The following DGKI variants were observed in gnomAD, a reference collection of about 807,000 sequenced individuals.
DGKI encodes diacylglycerol kinase iota.
In DGKI, 55 loss-of-function variants were observed where a neutral mutation model predicts 147.5. That is an observed-to-expected ratio of 0.37 (90% CI 0.30 to 0.47). The LOEUF is 0.47. DGKI is among the 20% of genes least tolerant of loss of function. The pLI, the probability that DGKI is intolerant of heterozygous loss-of-function variation, is 1.00. For missense variants in DGKI, 1,007 were observed against 1,323.8 expected, an observed-to-expected ratio of 0.76 and a Z score of 3.71; for synonymous variants, 469 against 477.1, an observed-to-expected ratio of 0.98 and a Z score of 0.22.
intron 1 of DGKI, among the ~76,000 whole-genome samples, chr7:137,752,791 G>A (rs761702266): frequency 1.3e-5 from 2 of 152,184 alleles, no homozygotes; most frequent in Non-Finnish European, 2.9e-5. Context: ...TTTTGGAGAT[G>A]TGAGTCTTGC....
At chr7:137,698,778 A>C (rs1823880566) in intron 1 of DGKI, among the ~76,000 whole-genome samples, 1 of 152,222 alleles carries the variant, frequency 6.6e-6, no homozygotes, top group African/African-American at 2.4e-5. Context: ...TAAGTAATTT[A>C]GGTAAGCCAT....
chr7:137,731,518 A>T (rs1302067736), intron 1 of DGKI, among the ~76,000 whole-genome samples: 1 of 152,028 alleles, frequency 6.6e-6, no homozygotes, highest in Admixed American at 6.6e-5. Flanking sequence ...CTTCATCATC[A>T]TTATGTGCCT....
intron 28 of DGKI, among the ~76,000 whole-genome samples, chr7:137,424,760 C>G (rs61452482): frequency 0.017 from 2,606 of 152,310 alleles, 74 homozygotes; most frequent in African/African-American, 0.059. Flanking sequence ...TTGGAGGGTC[C>G]TACGCCCACG....
chr7:137,397,439 C>T (rs372929053), intron 30 of DGKI, 26 bp from the exon 31 acceptor site: 16 of 1,607,534 alleles, frequency 1.0e-5, no homozygotes, highest in Admixed American at 1.7e-5. Flanking sequence ...GCAAGATGAC[C>T]GTCAAAAATA....
chr7:137,480,411 A>T (rs1311320252), intron 23 of DGKI, among the ~76,000 whole-genome samples: 1 of 152,214 alleles, frequency 6.6e-6, no homozygotes, highest in East Asian at 1.9e-4. Context: ...GAGATGAATA[A>T]GGACAGCCAG....
At chr7:137,568,624 G>A (rs1818675116) in intron 19 of DGKI, among the ~76,000 whole-genome samples, 1 of 152,156 alleles carries the variant, frequency 6.6e-6, no homozygotes, top group Admixed American at 6.5e-5. Context: ...TCTCTGCCAG[G>A]TGAGCACAGG....
In DGKI at chr7:137,602,894, GA is replaced by G. The variant is rs1207194632; in HGVS notation, c.1168-2990del. On this transcript the variant is annotated intron_variant, in intron 10 of 32. Transcript: ENST00000614521. ...TGCAAGAGTCTAATTTTCTCTAAATGAAAAAAAAAAACAGCTTATATGCCAA... is the reference window on the plus strand; with the variant it reads ...TGCAAGAGTCTAATTTTCTCTAAATGAAAAAAAAAACAGCTTATATGCCAA... Among the ~76,000 whole-genome samples the G allele has an allele frequency of 2.2e-3, 320 of 143,094 alleles. 1 individual carries two copies. The highest frequency in any genetic ancestry group is 3.5e-3 in the Middle Eastern group (1 of 282). The allele number at this position is 143,094 out of a possible 152,430, so 93.9% of individuals were successfully genotyped here. A position where few individuals can be genotyped will look rare whatever the true frequency, so the allele number is the denominator to read the frequency against.
At chr7:137,482,984 A>G (rs1815423001) in intron 23 of DGKI, among the ~76,000 whole-genome samples, 1 of 152,114 alleles carries the variant, frequency 6.6e-6, no homozygotes, top group African/African-American at 2.4e-5. Context: ...TGTGGCATTT[A>G]TAATGCAGCA....
intron 27 of DGKI, among the ~76,000 whole-genome samples, chr7:137,459,467 T>A (rs1814335075): frequency 6.7e-6 from 1 of 149,662 alleles, no homozygotes. Flanking sequence ...ACGAATTTTT[T>A]AAATTTTTTT....
chr7:137,619,916 TGAAGCA>T lies in DGKI; in HGVS notation c.895_900del (p.Cys299_Phe300del). On this transcript the variant is annotated inframe_deletion, in exon 8 of 33. Coordinates refer to ENST00000614521, the MANE Select transcript of DGKI (RefSeq NM_001321708.2). ...CAGGGTTCTTCAATGTGATGCAGCA[TGAAGCA>T]GGTCACCTTATTGTGAAACTGAAGA... The T allele has an allele frequency of 6.2e-7, 1 of 1,613,818 alleles. No homozygotes were observed. The highest frequency in any genetic ancestry group is 8.5e-7 in the Non-Finnish European group (1 of 1,179,948).
intron 1 of DGKI, among the ~76,000 whole-genome samples, chr7:137,810,808 C>G (rs974939757): frequency 2.0e-5 from 3 of 151,804 alleles, no homozygotes; most frequent in Non-Finnish European, 4.4e-5. Flanking sequence ...ATACACATCA[C>G]TTCCAATCAC....
At chr7:137,489,400 A>C (rs1014712901) in intron 21 of DGKI, among the ~76,000 whole-genome samples, 2 of 152,168 alleles carry the variant, frequency 1.3e-5, no homozygotes, top group African/African-American at 4.8e-5. Flanking sequence ...TGGGGGAGTA[A>C]TAATCATTCT....
intron 9 of DGKI, 83 bp downstream of exon 9, chr7:137,609,452 C>CA: frequency 9.6e-7 from 1 of 1,037,316 alleles, no homozygotes; most frequent in Non-Finnish European, 1.5e-6. Context: ...TCAGAAAAAT[C>CA]AACTTGGACC....
chr7:137,622,951 C>CCT, intron 7 of DGKI, among the ~76,000 whole-genome samples: 1 of 152,174 alleles, frequency 6.6e-6, no homozygotes, highest in Middle Eastern at 3.2e-3. Context: ...AGTGTACAGA[C>CCT]AACATCCAAA....
At chr7:137,825,039 T>C (rs1435271866) in intron 1 of DGKI, among the ~76,000 whole-genome samples, 2 of 152,194 alleles carry the variant, frequency 1.3e-5, no homozygotes, top group Non-Finnish European at 2.9e-5. Flanking sequence ...TGTGTCTTCA[T>C]AATAGAATGA....
intron 23 of DGKI, among the ~76,000 whole-genome samples, chr7:137,473,815 A>AG (rs1338667848): frequency 6.6e-6 from 1 of 152,190 alleles, no homozygotes; most frequent in Non-Finnish European, 1.5e-5. Context: ...TTATAAACAA[A>AG]GGGAAAAAAT....
chr7:137,401,419 T>TC (rs1811756039), intron 30 of DGKI, among the ~76,000 whole-genome samples: 1 of 151,620 alleles, frequency 6.6e-6, no homozygotes, highest in African/African-American at 2.4e-5. Context: ...TAGTCCCAGC[T>TC]ACTAGGGAGG....
chr7:137,462,436 T>C (rs1814482167), intron 27 of DGKI, among the ~76,000 whole-genome samples: 1 of 152,070 alleles, frequency 6.6e-6, no homozygotes, highest in Non-Finnish European at 1.5e-5. Context: ...CACAAGAAAA[T>C]AAGAGGTAAT....
intron 21 of DGKI, among the ~76,000 whole-genome samples, chr7:137,508,590 C>T (rs1816458215): frequency 6.6e-6 from 1 of 152,094 alleles, no homozygotes; most frequent in African/African-American, 2.4e-5. Flanking sequence ...CTTTAGCAAA[C>T]TTTCCATTGT....
Sources: gnomAD v4.1 joint callset for allele counts (sites outside exome capture counted in the v4.1 genomes callset) on GRCh38, gnomAD v4.1.1 for gene constraint, MANE v1.5 for transcripts, NCBI Gene and HGNC (gene_info 2026-07-23, HGNC 2026-07-21) for gene names.